The following ZFHX3 variants were observed in gnomAD, a reference collection of about 807,000 sequenced individuals.
ZFHX3 encodes the protein zinc finger homeobox protein 3.
ZFHX3 carries 42 observed loss-of-function variants against 279.1 expected under a neutral mutation model. The observed-to-expected ratio is 0.15, with a 90% CI of 0.12 to 0.19. The LOEUF (loss-of-function observed/expected upper bound fraction) is 0.19, where lower values mean the gene tolerates loss of function less well. Ranked by LOEUF, ZFHX3 falls within the 10% of genes least tolerant of loss-of-function variation. ZFHX3 has a pLI of 1.00. For synonymous variants in ZFHX3, 2,293 were observed against 1,957.8 expected (o/e 1.17, Z -4.52); for missense variants, 4,981 against 4,754.0 (o/e 1.05, Z -1.40).
intron 1 of ZFHX3, among the ~76,000 whole-genome samples, chr16:73,839,127 G>C (rs916382491): frequency 6.6e-6 from 1 of 151,550 alleles, no homozygotes; most frequent in Admixed American, 6.6e-5. Context: ...CTGGTTGTAC[G>C]AAAGCAGAAA....
intron 3 of ZFHX3, among the ~76,000 whole-genome samples, chr16:73,421,971 A>C (rs909510148): frequency 7.9e-5 from 12 of 152,176 alleles, no homozygotes; most frequent in African/African-American, 2.9e-4. Flanking sequence ...TTCCAGGACA[A>C]ATCACAACAT....
At chr16:73,444,449 CTTAGAT>C (rs2018147211) in intron 3 of ZFHX3, among the ~76,000 whole-genome samples, 1 of 152,068 alleles carries the variant, frequency 6.6e-6, no homozygotes, top group African/African-American at 2.4e-5. Flanking sequence ...GTTTTTTTCC[CTTAGAT>C]TTAATGTAAT....
chr16:73,399,530 A>T (rs1305167677), intron 3 of ZFHX3, among the ~76,000 whole-genome samples: 1 of 151,998 alleles, frequency 6.6e-6, no homozygotes, highest in African/African-American at 2.4e-5. Flanking sequence ...CACCTATTTC[A>T]TTGACTCTAA....
rs781493595 is a variant in ZFHX3, at chr16:73,231,795, C to A, written c.-1104+25252G>T. ...CTGTATTCTTTTCTCTCTGTGATTACCACTTCTTTGCATATTTCTTCTGGA... is the reference window on the plus strand; with the variant it reads ...CTGTATTCTTTTCTCTCTGTGATTAACACTTCTTTGCATATTTCTTCTGGA... On this transcript the variant is annotated intron_variant, in intron 5 of 17. Coordinates refer to the ZFHX3 transcript ENST00000641206. Among the ~76,000 whole-genome samples, 3 of 152,292 alleles carry A rather than the reference C, an allele frequency of 2.0e-5. No homozygotes were observed. The South Asian group carries it at 6.2e-4, about 32-fold the overall frequency.
chr16:73,314,993 T>G (rs1199565653), intron 4 of ZFHX3, among the ~76,000 whole-genome samples: 1 of 152,300 alleles, frequency 6.6e-6, no homozygotes, highest in African/African-American at 2.4e-5. Context: ...TTTGGGAGGC[T>G]GAGGCAGGCG....
chr16:73,168,802 T>C (rs756409726), intron 5 of ZFHX3, among the ~76,000 whole-genome samples: 4 of 152,166 alleles, frequency 2.6e-5, no homozygotes, highest in Non-Finnish European at 4.4e-5. Flanking sequence ...GTTTCAGCAA[T>C]ACCGACCGTC....
In ZFHX3 at chr16:73,385,047, C is replaced by T. The variant is rs989218280; in HGVS notation, c.-1290-66711G>A. Among the ~76,000 whole-genome samples the T allele has an allele frequency of 4.3e-4, 66 of 152,094 alleles. 1 individual carries two copies. Among genetic ancestry groups the T allele is most frequent in the African/African-American group, 1.6e-3 (66 of 41,402 alleles). On this transcript the variant is annotated intron_variant, in intron 3 of 17. Transcript: ENST00000641206. ...ACAACATAGAATCTGAGCTGCTGTA[C>T]GCATTTCATGACGCTAAGAAGGCAC...
intron 3 of ZFHX3, among the ~76,000 whole-genome samples, chr16:73,321,898 C>T (rs1362296372): frequency 6.6e-6 from 1 of 152,144 alleles, no homozygotes; most frequent in African/African-American, 2.4e-5. Context: ...CTTCTGGTGC[C>T]TATCAACTTT....
intron 1 of ZFHX3, among the ~76,000 whole-genome samples, chr16:72,964,039 A>G (rs1183977677): frequency 6.6e-6 from 1 of 152,246 alleles, no homozygotes; most frequent in Non-Finnish European, 1.5e-5. Flanking sequence ...GGATCACTCA[A>G]GAGACATCAG....
In ZFHX3 at chr16:73,175,376, T is replaced by A. The variant is rs577379468; in HGVS notation, c.-1103-31545A>T. 1.8e-4 allele frequency among the ~76,000 whole-genome samples: 26 copies of A among 143,888 alleles called. No individual in the cohort carries two copies. The South Asian group carries it at 5.1e-3, about 28-fold the overall frequency. 94.4% of individuals were successfully genotyped at this position (143,888 alleles called of 152,430 possible). ...GCCTAGGCAACAGAGAGAGACTATG[T>A]CTCCAAAACAAACAAACAAACAAAC... On this transcript the variant is annotated intron_variant, in intron 5 of 17. Coordinates refer to the ZFHX3 transcript ENST00000641206.
intron 3 of ZFHX3, among the ~76,000 whole-genome samples, chr16:73,321,490 G>A (rs1038165899): frequency 6.6e-6 from 1 of 152,174 alleles, no homozygotes; most frequent in African/African-American, 2.4e-5. Flanking sequence ...TATTCCCTTT[G>A]GACCCAGCCA....
chr16:72,870,400 TA>T (rs941216846), intron 4 of ZFHX3, among the ~76,000 whole-genome samples: 2 of 126,550 alleles, frequency 1.6e-5, no homozygotes. Context: ...ACCCTGTCTT[TA>T]AAAAAAAAGA....
At chr16:73,366,864 A>G (rs1221003958) in intron 3 of ZFHX3, among the ~76,000 whole-genome samples, 1 of 152,156 alleles carries the variant, frequency 6.6e-6, no homozygotes, top group African/African-American at 2.4e-5. Flanking sequence ...ACCACAGAGA[A>G]TGTTCATTTT....
intron 1 of ZFHX3, among the ~76,000 whole-genome samples, chr16:73,846,182 A>G (rs561358408): frequency 1.1e-3 from 160 of 152,276 alleles, no homozygotes; most frequent in African/African-American, 3.8e-3. Context: ...TGCCATCAAC[A>G]TTCATGGATC....
At chr16:73,197,718 C>T (rs1442295245) in intron 5 of ZFHX3, among the ~76,000 whole-genome samples, 2 of 152,094 alleles carry the variant, frequency 1.3e-5, no homozygotes, top group African/African-American at 4.8e-5. Flanking sequence ...ATGATTACAA[C>T]TCATTCATTC....
chr16:73,736,346 G>A (rs879584901), intron 1 of ZFHX3, among the ~76,000 whole-genome samples: 1 of 152,142 alleles, frequency 6.6e-6, no homozygotes, highest in Non-Finnish European at 1.5e-5. Flanking sequence ...ATCATGGAAG[G>A]TCTACTCTCT....
chr16:73,028,108 C>T (rs553895741), intron 1 of ZFHX3, among the ~76,000 whole-genome samples: 24 of 152,184 alleles, frequency 1.6e-4, no homozygotes, highest in East Asian at 1.2e-3. Context: ...ACGGCCCCTC[C>T]GGGACCCTGC....
At chr16:73,337,845 T>A (rs533471745) in intron 3 of ZFHX3, among the ~76,000 whole-genome samples, 9 of 145,892 alleles carry the variant, frequency 6.2e-5, no homozygotes, top group Non-Finnish European at 1.2e-4. Context: ...CTTCCCAGCT[T>A]ACTCTTTCTA....
At chr16:73,709,029 T>G (rs2639319) in intron 1 of ZFHX3, among the ~76,000 whole-genome samples, 150,153 of 152,172 alleles carry the variant, frequency 0.99, 74,091 homozygotes, top group East Asian at 1. Flanking sequence ...TTTTGGGGTG[T>G]CATTTCCTGA....
Sources: allele counts gnomAD v4.1 joint callset (sites outside exome capture counted in the v4.1 genomes callset), GRCh38; gene constraint gnomAD v4.1.1; transcripts MANE v1.5; gene names NCBI Gene and HGNC (gene_info 2026-07-23, HGNC 2026-07-21).